The following AGAP1 variants were observed in gnomAD, a reference collection of about 807,000 sequenced individuals.
AGAP1 encodes ArfGAP with GTPase domain, ankyrin repeat and PH domain 1.
AGAP1 carries 29 observed loss-of-function variants against 105.3 expected under a neutral mutation model. That is an observed-to-expected ratio of 0.28 (90% CI 0.21 to 0.38). The LOEUF (loss-of-function observed/expected upper bound fraction) is 0.38. AGAP1 is among the 10% of genes least tolerant of loss of function. The pLI is 1.00. For synonymous variants in AGAP1, 509 were observed against 485.9 expected (o/e 1.05, Z -0.63); for missense variants, 998 against 1,165.1 (o/e 0.86, Z 2.09).
At chr2:235,718,141 T>A (rs1951212232) in intron 3 of AGAP1, among the ~76,000 whole-genome samples, 1 of 152,242 alleles carries the variant, frequency 6.6e-6, no homozygotes, top group Admixed American at 6.5e-5. Flanking sequence ...GTAAGATTTT[T>A]TTTTTTGCCA....
At chr2:236,116,491 A>G (rs1427650414) in intron 16 of AGAP1, among the ~76,000 whole-genome samples, 2 of 151,748 alleles carry the variant, frequency 1.3e-5, no homozygotes, top group South Asian at 4.2e-4. Context: ...CTGGGATTAC[A>G]GGCACCTGCC....
chr2:235,761,569 A>G (rs1012265249), intron 6 of AGAP1, among the ~76,000 whole-genome samples: 1 of 152,236 alleles, frequency 6.6e-6, no homozygotes, highest in African/African-American at 2.4e-5. Context: ...TGTATCATTA[A>G]TGCATACAAA....
At position 235,751,394 on chromosome 2, in the gene AGAP1, C is replaced by G. The variant is rs1953424467; in HGVS notation, c.673+906C>G. 6.6e-6 allele frequency among the ~76,000 whole-genome samples: 1 copy of G among 152,150 alleles called. No individual in the cohort carries two copies. Among genetic ancestry groups the G allele is most frequent in the Admixed American group, 6.5e-5 (1 of 15,284 alleles). The stretch of plus-strand genomic sequence containing the variant: ...GGGCAGAGCCACCTGTCCCCCTGCT[C>G]TGGTGCCCAGGGGGTTGTCGGGGGC... On this transcript the variant is annotated intron_variant, in intron 6 of 17. Transcript: ENST00000304032. The surrounding 1 kb of genome is among the most constrained non-coding windows in gnomAD (Gnocchi z 5.3).
intron 9 of AGAP1, among the ~76,000 whole-genome samples, chr2:235,839,199 T>C (rs762611561): frequency 1.3e-5 from 2 of 152,166 alleles, no homozygotes; most frequent in Non-Finnish European, 2.9e-5. Flanking sequence ...GAGTTTGAAA[T>C]AGAAAGTCTG....
intron 9 of AGAP1, among the ~76,000 whole-genome samples, chr2:235,826,575 A>G (rs903300716): frequency 1.9e-4 from 29 of 151,780 alleles, no homozygotes; most frequent in Middle Eastern, 3.4e-3. Context: ...TCAGCCTCCC[A>G]AGTAGCTGGG....
At chr2:235,651,968 G>C (rs1947609431) in intron 1 of AGAP1, among the ~76,000 whole-genome samples, 1 of 152,126 alleles carries the variant, frequency 6.6e-6, no homozygotes, top group Non-Finnish European at 1.5e-5. Flanking sequence ...AGTGTCTTTT[G>C]GTATGAAATT....
intron 11 of AGAP1, among the ~76,000 whole-genome samples, chr2:235,913,226 T>G (rs2051704478): frequency 6.6e-6 from 1 of 152,176 alleles, no homozygotes; most frequent in African/African-American, 2.4e-5. Context: ...AAGTTTTAAT[T>G]TTATTGTTTT....
At chr2:235,519,301 T>G (rs2149046700) in intron 1 of AGAP1, among the ~76,000 whole-genome samples, 1 of 152,198 alleles carries the variant, frequency 6.6e-6, no homozygotes, top group East Asian at 1.9e-4. Context: ...TGGTCTTGAA[T>G]GCCTCAAGTG....
chr2:235,581,146 A>AG (rs1473605690), intron 1 of AGAP1, among the ~76,000 whole-genome samples: 2 of 151,204 alleles, frequency 1.3e-5, no homozygotes, highest in Non-Finnish European at 3.0e-5. Context: ...AAAAAAAAAA[A>AG]AAAAAAAAAA....
chr2:235,868,654 A>G (rs867222738), intron 9 of AGAP1, among the ~76,000 whole-genome samples: 2 of 152,210 alleles, frequency 1.3e-5, no homozygotes, highest in African/African-American at 4.8e-5. Flanking sequence ...CAGTCAATAA[A>G]TCTTTGTTGG....
rs1174210522 is a variant in AGAP1, at chr2:235,964,152, A to G, written c.1484-4310A>G. 6.6e-6 allele frequency among the ~76,000 whole-genome samples: 1 copy of G among 152,098 alleles called. No individual in the cohort carries two copies. Among genetic ancestry groups the G allele is most frequent in the African/African-American group, 2.4e-5 (1 of 41,422 alleles). On this transcript the variant is annotated intron_variant, in intron 12 of 17. Coordinates refer to ENST00000304032, the MANE Select transcript of AGAP1 (RefSeq NM_001037131.3). This position sits in a 1 kb window ranked among gnomAD's most constrained non-coding sequence, Gnocchi z 4.6. The stretch of plus-strand genomic sequence containing the variant: ...CTCCGTGGGAGTGTAGAGATGAGAA[A>G]TGTTAGTTTGGGAGAGAGTGTTACA...
rs897290590 is a variant in AGAP1 at position 235,927,878 on chromosome 2, T to C, written c.1325-2887T>C. 6.6e-6 allele frequency among the ~76,000 whole-genome samples: 1 copy of C among 152,196 alleles called. No individual in the cohort carries two copies. Among genetic ancestry groups the C allele is most frequent in the Non-Finnish European group, 1.5e-5 (1 of 68,034 alleles). On this transcript the variant is annotated intron_variant, in intron 11 of 17. Transcript: ENST00000304032. The surrounding 1 kb of genome is among the most constrained non-coding windows in gnomAD (Gnocchi z 4.4). ...CAGACACAGTGAAATTCCTTTTTGT[T>C]TTTCAGGTATTTGGACCTTGTGTGC... is the stretch of plus-strand genomic sequence containing the variant.
intron 1 of AGAP1, among the ~76,000 whole-genome samples, chr2:235,698,330 A>G (rs1227772956): frequency 1.3e-5 from 2 of 152,174 alleles, no homozygotes; most frequent in Non-Finnish European, 2.9e-5. Flanking sequence ...CCAGCCAGCC[A>G]CGGATGAGTA....
chr2:235,940,684 C>G (rs1433804833), intron 12 of AGAP1, among the ~76,000 whole-genome samples: 1 of 152,234 alleles, frequency 6.6e-6, no homozygotes, highest in Non-Finnish European at 1.5e-5. Context: ...CGACTCCTAC[C>G]CAGTCACAAG....
chr2:236,019,215 A>G (rs2056807921), intron 13 of AGAP1, among the ~76,000 whole-genome samples: 1 of 152,180 alleles, frequency 6.6e-6, no homozygotes, highest in African/African-American at 2.4e-5. Flanking sequence ...CCCGACTCTC[A>G]GGTCCCTGCT....
chr2:236,086,677 C>T (rs1267075068), intron 16 of AGAP1, among the ~76,000 whole-genome samples: 1 of 152,094 alleles, frequency 6.6e-6, no homozygotes, highest in African/African-American at 2.4e-5. Flanking sequence ...TTTAGCTGGG[C>T]GTCTTTAGCC....
At chr2:235,886,528 C>G (rs185586264) in intron 10 of AGAP1, among the ~76,000 whole-genome samples, 1 of 152,104 alleles carries the variant, frequency 6.6e-6, no homozygotes, top group Non-Finnish European at 1.5e-5. Flanking sequence ...TTTGTGATGT[C>G]CCTCAGTGTT....
chr2:235,895,528 A>C (rs1302816063), intron 10 of AGAP1, among the ~76,000 whole-genome samples: 1 of 152,098 alleles, frequency 6.6e-6, no homozygotes, highest in Non-Finnish European at 1.5e-5. Context: ...CTTAAATGCT[A>C]CTTCCTCTTG....
Position 236,125,139 on chromosome 2 carries a change from A to T in AGAP1, c.*1017A>T, listed in dbSNP as rs2059983076. On this transcript the variant is annotated 3_prime_UTR_variant, in exon 18 of 18. Transcript: ENST00000304032. The surrounding 1 kb of genome is among the most constrained non-coding windows in gnomAD (Gnocchi z 5.2). ...ATTTGATGTCCTTTTGCCGAGGTGG[A>T]TGTGTTAGTCTCAGGCCCTCCTGGA... is the stretch of plus-strand genomic sequence containing the variant. The T allele has an allele frequency of 6.1e-6, 1 of 162,828 alleles. No homozygotes were observed. Among genetic ancestry groups the T allele is most frequent in the Non-Finnish European group, 1.5e-5 (1 of 68,084 alleles). The allele number at this position is 162,828 out of a possible 1,614,324, so 10.1% of individuals were successfully genotyped here.
Sources: allele counts gnomAD v4.1 joint callset (sites outside exome capture counted in the v4.1 genomes callset), GRCh38; gene constraint gnomAD v4.1.1; non-coding constraint Gnocchi (gnomAD v3.1); transcripts MANE v1.5; gene names NCBI Gene and HGNC (gene_info 2026-07-23, HGNC 2026-07-21).